The following KCNQ1 variants were observed in gnomAD, a reference collection of about 807,000 sequenced individuals.
KCNQ1 encodes the protein potassium voltage-gated channel subfamily KQT member 1.
Under a neutral mutation model 72.4 loss-of-function variants are expected in KCNQ1, and 49 were observed. The ratio of observed to expected loss-of-function variants is 0.68; its 90% CI spans 0.54 to 0.86. The LOEUF (loss-of-function observed/expected upper bound fraction) is 0.86. KCNQ1 is among the 40% of genes least tolerant of loss of function. The pLI is 0.00. For missense variants in KCNQ1, 790 were observed against 945.1 expected (o/e 0.84, Z 2.15); for synonymous variants, 450 against 412.6 (o/e 1.09, Z -1.10).
intron 15 of KCNQ1, among the ~76,000 whole-genome samples, chr11:2,845,462 CT>C (rs1481005712): frequency 6.6e-6 from 1 of 152,212 alleles, no homozygotes; most frequent in East Asian, 1.9e-4. Context: ...CTGGCGGGTC[CT>C]TGGGTGTGAG....
chr11:2,464,796 G>A lies in KCNQ1; in HGVS notation c.386+19312G>A, dbSNP rs374202897. Among the ~76,000 whole-genome samples, 975 of 121,758 alleles carry A rather than the reference G, an allele frequency of 8.0e-3. 8 individuals carry two copies. Among genetic ancestry groups the A allele is most frequent in the African/African-American group, 0.046 (903 of 19,472 alleles). The allele number at this position is 121,758 out of a possible 152,430, so 79.9% of individuals were successfully genotyped here. A position where few individuals can be genotyped will look rare whatever the true frequency, so the allele number is the denominator to read the frequency against. ...CTCCTAGGTGGGCTGGGGCTGAGGC[G>A]GATCCCACTGTGGGGAGCTGCCCAG... On this transcript the variant is annotated intron_variant, in intron 1 of 15. Coordinates refer to ENST00000155840, the MANE Select transcript of KCNQ1 (RefSeq NM_000218.3). The surrounding 1 kb of genome is among the most constrained non-coding windows in gnomAD (Gnocchi z 5.0).
rs1849231755 is a variant in KCNQ1 at position 2,624,558 on chromosome 11, A to C, written c.1393+35704A>C. ...GATTTCTATTTGTTGTTGATTTCCA[A>C]ATCTTTTATTGTGGCAAAATACACT... is the stretch of plus-strand genomic sequence containing the variant. On this transcript the variant is annotated intron_variant, in intron 10 of 15. Transcript: ENST00000155840. The surrounding 1 kb of genome is among the most constrained non-coding windows in gnomAD (Gnocchi z 4.9). The C allele has an allele frequency of 1.3e-5, 5 of 398,376 alleles. No individual in the cohort carries two copies. The South Asian group carries it at 5.1e-4, about 41-fold the overall frequency. 24.7% of individuals were successfully genotyped at this position (398,376 alleles called of 1,614,324 possible).
At chr11:2,512,271 C>A (rs902641608) in intron 1 of KCNQ1, among the ~76,000 whole-genome samples, 1 of 152,176 alleles carries the variant, frequency 6.6e-6, no homozygotes, top group Non-Finnish European at 1.5e-5. Context: ...GGAGCCGGGG[C>A]GGGAGAGGGC....
In KCNQ1 at chr11:2,813,585, C is replaced by T. The variant is rs902280270; in HGVS notation, c.1795-34182C>T. On this transcript the variant is annotated intron_variant, in intron 15 of 15. Coordinates refer to ENST00000155840, the MANE Select transcript of KCNQ1 (RefSeq NM_000218.3). The surrounding 1 kb of genome is among the most constrained non-coding windows in gnomAD (Gnocchi z 4.4). ...CAGCCACATGGAGTATGTCCTCTGT[C>T]GAGGGGGCAGGGACTCAAAGGATGA... 5.3e-5 allele frequency among the ~76,000 whole-genome samples: 8 copies of T among 152,018 alleles called. No individual in the cohort carries two copies. The highest frequency in any genetic ancestry group is 1.4e-4 in the African/African-American group (6 of 41,392).
intron 1 of KCNQ1, among the ~76,000 whole-genome samples, chr11:2,449,885 TC>T (rs1321507281): frequency 6.6e-6 from 1 of 151,956 alleles, no homozygotes; most frequent in African/African-American, 2.4e-5. Context: ...CGTCCTCGAG[TC>T]CTAGGGATGC....
In KCNQ1 at chr11:2,750,166, G is replaced by A. The variant is rs1249869093; in HGVS notation, c.1515-18678G>A. Among the ~76,000 whole-genome samples, 1 of 152,142 alleles carries A rather than the reference G, an allele frequency of 6.6e-6. No homozygotes were observed. Among genetic ancestry groups the A allele is most frequent in the Non-Finnish European group, 1.5e-5 (1 of 68,034 alleles). On this transcript the variant is annotated intron_variant, in intron 11 of 15. Coordinates refer to ENST00000155840, the MANE Select transcript of KCNQ1 (RefSeq NM_000218.3). This position sits in a 1 kb window ranked among gnomAD's most constrained non-coding sequence, Gnocchi z 6.3. ...TGAGGCACTGTGGGCCCAGAGTCCA[G>A]GTCAGCGCCAGGGGCAGCAGGGGCT...
chr11:2,798,348 G>C (rs1349781883), intron 15 of KCNQ1, among the ~76,000 whole-genome samples: 1 of 152,130 alleles, frequency 6.6e-6, no homozygotes, highest in East Asian at 1.9e-4. Context: ...CAACCACCTG[G>C]GGTTGTGCCC....
At position 2,651,256 on chromosome 11, in the gene KCNQ1, T is replaced by C; in HGVS notation, c.1394-10705T>C. 1 of 398,690 alleles carries C rather than the reference T, an allele frequency of 2.5e-6. No individual in the cohort carries two copies. The highest frequency in any genetic ancestry group is 2.1e-5 in the African/African-American group (1 of 48,778). 24.7% of individuals were successfully genotyped at this position (398,690 alleles called of 1,614,324 possible). On this transcript the variant is annotated intron_variant, in intron 10 of 15. Coordinates refer to ENST00000155840, the MANE Select transcript of KCNQ1 (RefSeq NM_000218.3). The surrounding 1 kb of genome is among the most constrained non-coding windows in gnomAD (Gnocchi z 6.1). ...ACACAGCTTAATTCAGGAATTAAGC[T>C]GTGCTGGTCACTTATTGAGAAAGAG...
rs1471162916 is a variant in KCNQ1 at position 2,735,957 on chromosome 11, G to A, written c.1515-32887G>A. Among the ~76,000 whole-genome samples the A allele has an allele frequency of 1.3e-5, 2 of 152,190 alleles. No individual in the cohort carries two copies. The highest frequency in any genetic ancestry group is 6.5e-5 in the Admixed American group (1 of 15,286). On this transcript the variant is annotated intron_variant, in intron 11 of 15. Coordinates refer to ENST00000155840, the MANE Select transcript of KCNQ1 (RefSeq NM_000218.3). This position sits in a 1 kb window ranked among gnomAD's most constrained non-coding sequence, Gnocchi z 7.7. ...AGAGGCAGGAGGAGGTGGGTGAGAGGACCCCACGCCCTTCCTCCAGTGTGT... is the reference window on the plus strand; with the variant it reads ...AGAGGCAGGAGGAGGTGGGTGAGAGAACCCCACGCCCTTCCTCCAGTGTGT...
intron 2 of KCNQ1, among the ~76,000 whole-genome samples, chr11:2,552,860 G>A (rs866236119): frequency 6.6e-6 from 1 of 151,984 alleles, no homozygotes. Flanking sequence ...TAGTAATACC[G>A]AGTTTTCTGA....
chr11:2,454,050 A>G lies in KCNQ1; in HGVS notation c.386+8566A>G, dbSNP rs1315295978. On this transcript the variant is annotated intron_variant, in intron 1 of 15. Coordinates refer to ENST00000155840, the MANE Select transcript of KCNQ1 (RefSeq NM_000218.3). ...CTCCCAAAGTGCTTAGATTACAGGTATGAGCCACCACACCTGGCGTATCAG... is the reference window on the plus strand; with the variant it reads ...CTCCCAAAGTGCTTAGATTACAGGTGTGAGCCACCACACCTGGCGTATCAG... Among the ~76,000 whole-genome samples, 4 of 152,276 alleles carry G rather than the reference A, an allele frequency of 2.6e-5. No homozygotes were observed. The East Asian group carries it at 7.7e-4, about 29-fold the overall frequency.
In KCNQ1 at chr11:2,475,586, G is replaced by A. The variant is rs1011379426; in HGVS notation, c.386+30102G>A. 1.3e-5 allele frequency among the ~76,000 whole-genome samples: 2 copies of A among 152,210 alleles called. No homozygotes were observed. The highest frequency in any genetic ancestry group is 4.8e-5 in the African/African-American group (2 of 41,452). On this transcript the variant is annotated intron_variant, in intron 1 of 15. Coordinates refer to ENST00000155840, the MANE Select transcript of KCNQ1 (RefSeq NM_000218.3). The surrounding 1 kb of genome is among the most constrained non-coding windows in gnomAD (Gnocchi z 5.8). ...CCTTCATCTCAAAGAATTAGGGCAAGGAGGGCGATTCTAAATGGCTGGAGA... is the reference window on the plus strand; with the variant it reads ...CCTTCATCTCAAAGAATTAGGGCAAAGAGGGCGATTCTAAATGGCTGGAGA...
At position 2,826,889 on chromosome 11, in the gene KCNQ1, G is replaced by A. The variant is rs1216143973; in HGVS notation, c.1795-20878G>A. On this transcript the variant is annotated intron_variant, in intron 15 of 15. Transcript: ENST00000155840. The surrounding 1 kb of genome is among the most constrained non-coding windows in gnomAD (Gnocchi z 4.2). The stretch of plus-strand genomic sequence containing the variant: ...GGTGTGGGGTGTCTGGTCCTGGAGT[G>A]ACAAGGACAGGGAGGAAGAAAGCCA... 6.6e-6 allele frequency among the ~76,000 whole-genome samples: 1 copy of A among 152,230 alleles called. No individual in the cohort carries two copies. Among genetic ancestry groups the A allele is most frequent in the African/African-American group, 2.4e-5 (1 of 41,464 alleles).
rs1165582932 is a variant in KCNQ1, at chr11:2,647,965, G to A, written c.1394-13996G>A. 3 of 397,528 alleles carry A rather than the reference G, an allele frequency of 7.5e-6. No homozygotes were observed. Among genetic ancestry groups the A allele is most frequent in the Non-Finnish European group, 1.3e-5 (3 of 225,970 alleles). The allele number at this position is 397,528 out of a possible 1,614,324, so 24.6% of individuals were successfully genotyped here. A position where few individuals can be genotyped will look rare whatever the true frequency, so the allele number is the denominator to read the frequency against. On this transcript the variant is annotated intron_variant, in intron 10 of 15. Coordinates refer to ENST00000155840, the MANE Select transcript of KCNQ1 (RefSeq NM_000218.3). The surrounding 1 kb of genome is among the most constrained non-coding windows in gnomAD (Gnocchi z 4.0). ...TTGTTGGCTCACACCTGTAAACCCA[G>A]TACTTTGGAAGGCCAAGGCAGGCCG... is the stretch of plus-strand genomic sequence containing the variant.
rs1444764709 is a variant in KCNQ1 at position 2,543,326 on chromosome 11, T to TGCA, written c.477+15310_477+15312dup. Among the ~76,000 whole-genome samples the TGCA allele has an allele frequency of 6.6e-6, 1 of 152,050 alleles. No individual in the cohort carries two copies. The highest frequency in any genetic ancestry group is 1.5e-5 in the Non-Finnish European group (1 of 68,020). The stretch of plus-strand genomic sequence containing the variant: ...GTCATGCACTGTGCTCAGGCTGGAG[T>TGCA]GCAGTGGCGTAAACGTAGCTCACTG... On this transcript the variant is annotated intron_variant, in intron 2 of 15. Coordinates refer to ENST00000155840, the MANE Select transcript of KCNQ1 (RefSeq NM_000218.3). This position sits in a 1 kb window ranked among gnomAD's most constrained non-coding sequence, Gnocchi z 5.6.
intron 5 of KCNQ1, 40 bp downstream of exon 5, chr11:2,572,149 G>T (rs140551192): frequency 1.3e-6 from 2 of 1,486,474 alleles, no homozygotes; most frequent in Non-Finnish European, 1.9e-6. Flanking sequence ...CCAGGTTGGG[G>T]ACAGGACGGA....
chr11:2,775,576 T>C (rs1055035239), intron 12 of KCNQ1, among the ~76,000 whole-genome samples: 1 of 152,204 alleles, frequency 6.6e-6, no homozygotes, highest in Non-Finnish European at 1.5e-5. Context: ...CTGTGCCTCC[T>C]GGTCAGTGCC....
Position 2,575,985 on chromosome 11 carries a change from C to T in KCNQ1, c.921+2999C>T, listed in dbSNP as rs529066597. ...CGTGGCTGGAGACTCCAGGCGTGCC[C>T]GGTGTGCGGCCGCCTCTTTCCTCTG... On this transcript the variant is annotated intron_variant, in intron 6 of 15. Coordinates refer to ENST00000155840, the MANE Select transcript of KCNQ1 (RefSeq NM_000218.3). 2.5e-4 allele frequency among the ~76,000 whole-genome samples: 38 copies of T among 152,332 alleles called. No individual in the cohort carries two copies. The East Asian group carries it at 3.5e-3, about 14-fold the overall frequency.
Position 2,565,852 on chromosome 11 carries a change from A to G in KCNQ1, c.478-4776A>G, listed in dbSNP as rs1589953868. 6.6e-6 allele frequency among the ~76,000 whole-genome samples: 1 copy of G among 152,322 alleles called. No individual in the cohort carries two copies. The highest frequency in any genetic ancestry group is 2.1e-4 in the South Asian group (1 of 4,830). On this transcript the variant is annotated intron_variant, in intron 2 of 15. Coordinates refer to ENST00000155840, the MANE Select transcript of KCNQ1 (RefSeq NM_000218.3). The surrounding 1 kb of genome is among the most constrained non-coding windows in gnomAD (Gnocchi z 5.6). ...ATGGGGTTTGGCTTCCTGACCCTGA[A>G]CGTCTTTGTCCCAGGCCCTTCACTG...
Sources: allele counts gnomAD v4.1 joint callset (sites outside exome capture counted in the v4.1 genomes callset), GRCh38; gene constraint gnomAD v4.1.1; non-coding constraint Gnocchi (gnomAD v3.1); transcripts MANE v1.5; gene names NCBI Gene and HGNC (gene_info 2026-07-23, HGNC 2026-07-21).